The following EXOC4 variants were observed in gnomAD, a reference collection of about 807,000 sequenced individuals.
EXOC4 encodes the protein exocyst complex component 4.
Under a neutral mutation model 107.2 loss-of-function variants are expected in EXOC4, and 71 were observed. That is an observed-to-expected ratio of 0.66 (90% CI 0.55 to 0.81). The LOEUF is 0.81. Ranked by LOEUF, EXOC4 falls within the 30% of genes least tolerant of loss-of-function variation. The pLI, the probability that EXOC4 is intolerant of heterozygous loss-of-function variation, is 0.00. For missense variants in EXOC4, 1,108 were observed against 1,189.6 expected (o/e 0.93, Z 1.01); for synonymous variants, 456 against 441.2 (o/e 1.03, Z -0.42).
intron 14 of EXOC4, among the ~76,000 whole-genome samples, chr7:133,949,125 T>C (rs955168144): frequency 1.3e-5 from 2 of 152,230 alleles, no homozygotes; most frequent in African/African-American, 4.8e-5. Context: ...GCTGCACCTC[T>C]TACCCCCAAA....
At chr7:133,513,865 T>C (rs1799820257) in intron 9 of EXOC4, among the ~76,000 whole-genome samples, 1 of 152,224 alleles carries the variant, frequency 6.6e-6, no homozygotes, top group Non-Finnish European at 1.5e-5. Context: ...ATGAAATTGC[T>C]GGATATGTGA....
chr7:133,425,659 C>G (rs181714724), intron 7 of EXOC4, among the ~76,000 whole-genome samples: 2 of 152,110 alleles, frequency 1.3e-5, no homozygotes, highest in Non-Finnish European at 2.9e-5. Flanking sequence ...TGGACATGCC[C>G]CATTATACCT....
At chr7:133,488,231 T>A (rs1799306598) in intron 9 of EXOC4, among the ~76,000 whole-genome samples, 2 of 152,130 alleles carry the variant, frequency 1.3e-5, no homozygotes, top group African/African-American at 4.8e-5. Context: ...TAATGTGATA[T>A]CTGGAAAATA....
At chr7:133,727,927 T>C (rs960936224) in intron 10 of EXOC4, among the ~76,000 whole-genome samples, 1 of 152,246 alleles carries the variant, frequency 6.6e-6, no homozygotes, top group Non-Finnish European at 1.5e-5. Flanking sequence ...GCATTAACTT[T>C]TATGTTTTAA....
intron 14 of EXOC4, among the ~76,000 whole-genome samples, chr7:133,945,074 C>T (rs919883958): frequency 6.6e-6 from 1 of 152,156 alleles, no homozygotes; most frequent in African/African-American, 2.4e-5. Context: ...CCGAGCTGCA[C>T]ATCAGTTATA....
intron 9 of EXOC4, among the ~76,000 whole-genome samples, chr7:133,582,387 G>C (rs921888521): frequency 6.6e-6 from 1 of 152,190 alleles, no homozygotes; most frequent in African/African-American, 2.4e-5. Flanking sequence ...CTGAAGAACA[G>C]CACTTTTAAA....
intron 10 of EXOC4, among the ~76,000 whole-genome samples, chr7:133,693,696 G>A (rs574134771): frequency 7.2e-5 from 11 of 152,170 alleles, no homozygotes; most frequent in East Asian, 3.9e-4. Flanking sequence ...CTATATTCTC[G>A]GCATGGGTGA....
chr7:133,696,136 A>G (rs978224261), intron 10 of EXOC4, among the ~76,000 whole-genome samples: 3 of 152,196 alleles, frequency 2.0e-5, no homozygotes, highest in African/African-American at 7.2e-5. Context: ...TAAACAGATC[A>G]GGTGGCCGTG....
intron 11 of EXOC4, among the ~76,000 whole-genome samples, chr7:133,853,345 A>AACACACACACACACACAC (rs59000979): frequency 2.6e-5 from 3 of 115,568 alleles, no homozygotes; most frequent in Admixed American, 1.8e-4. Flanking sequence ...CTCTCTCTTT[A>AACACACACACACACACAC]ACACACACAC....
At chr7:134,095,076 C>T in the EXOC4 span, among the ~76,000 whole-genome samples, 2 of 152,220 alleles carry the variant, frequency 1.3e-5, no homozygotes, top group Admixed American at 1.3e-4. Context: ...CCGAAAGGCT[C>T]CTGGAACTAA....
chr7:133,517,397 A>G (rs935696377), intron 9 of EXOC4, among the ~76,000 whole-genome samples: 1 of 152,190 alleles, frequency 6.6e-6, no homozygotes, highest in Non-Finnish European at 1.5e-5. Context: ...GATAATATAT[A>G]ATTTTTGTTC....
chr7:133,916,956 T>C (rs906727356), intron 12 of EXOC4, among the ~76,000 whole-genome samples: 1 of 152,168 alleles, frequency 6.6e-6, no homozygotes, highest in Non-Finnish European at 1.5e-5. Context: ...AGCTAACCCA[T>C]GGGCCCTATG....
At chr7:134,028,897 C>T (rs1255392546) in intron 17 of EXOC4, among the ~76,000 whole-genome samples, 2 of 152,220 alleles carry the variant, frequency 1.3e-5, no homozygotes, top group African/African-American at 2.4e-5. Context: ...AATCTAGACA[C>T]CTACTGGCTG....
intron 5 of EXOC4, among the ~76,000 whole-genome samples, chr7:133,352,238 T>G (rs913755804): frequency 2.0e-5 from 3 of 151,952 alleles, no homozygotes; most frequent in Non-Finnish European, 4.4e-5. Flanking sequence ...TTCTGTCTGG[T>G]TGTTCTATCA....
At chr7:133,325,889 T>A (rs1795227786) in intron 5 of EXOC4, among the ~76,000 whole-genome samples, 1 of 152,226 alleles carries the variant, frequency 6.6e-6, no homozygotes, top group Non-Finnish European at 1.5e-5. Flanking sequence ...AGTCCCATAT[T>A]TCTTGGAGGC....
chr7:133,636,907 A>G (rs1254699664), intron 10 of EXOC4, among the ~76,000 whole-genome samples: 1 of 152,218 alleles, frequency 6.6e-6, no homozygotes, highest in Non-Finnish European at 1.5e-5. Flanking sequence ...TCTTAAGACT[A>G]GTAACAGTCA....
intron 9 of EXOC4, among the ~76,000 whole-genome samples, chr7:133,595,231 G>A (rs543672283): frequency 1.3e-5 from 2 of 152,138 alleles, no homozygotes; most frequent in Admixed American, 1.3e-4. Flanking sequence ...GTATCCTGGA[G>A]GCCAAGAGAA....
intron 9 of EXOC4, among the ~76,000 whole-genome samples, chr7:133,550,281 G>T (rs960979198): frequency 1.2e-4 from 19 of 152,122 alleles, no homozygotes; most frequent in African/African-American, 4.6e-4. Flanking sequence ...TACATAGTAG[G>T]TACCTTCAAA....
At chr7:133,815,976 TG>T (rs1360529886) in intron 10 of EXOC4, among the ~76,000 whole-genome samples, 2 of 152,168 alleles carry the variant, frequency 1.3e-5, no homozygotes, top group Non-Finnish European at 2.9e-5. Context: ...GATTTATCAG[TG>T]GGGGACAGGG....
Sources: allele counts gnomAD v4.1 joint callset (sites outside exome capture counted in the v4.1 genomes callset), GRCh38; gene constraint gnomAD v4.1.1; transcripts MANE v1.5; gene names NCBI Gene and HGNC (gene_info 2026-07-23, HGNC 2026-07-21).